Variants in RARB observed in about 807,000 individuals in gnomAD.
RARB encodes the protein retinoic acid receptor beta, also known as HBV-activated protein.
RARB carries 17 observed loss-of-function variants against 51.9 expected under a neutral mutation model. The ratio of observed to expected loss-of-function variants is 0.33; its 90% CI spans 0.22 to 0.49. RARB has a LOEUF of 0.49. RARB is among the 20% of genes least tolerant of loss of function. The probability of loss-of-function intolerance (pLI) is 0.99; values close to 1 mark genes in which losing one functional copy is unlikely to be tolerated. For synonymous variants in RARB, 215 were observed against 195.4 expected (o/e 1.10, Z -0.84); for missense variants, 369 against 550.8 (o/e 0.67, Z 3.30).
chr3:25,518,458 C>T lies in RARB; in HGVS notation c.448+17135C>T, dbSNP rs373096311. ...GAGACGTCATTTAGGATGTCCTTGA[C>T]ATTTTTCGTTGCTCTTCCTCAGGAC... On this transcript the variant is annotated intron_variant, in intron 3 of 7. Coordinates refer to ENST00000330688, the MANE Select transcript of RARB (RefSeq NM_000965.5). Among the ~76,000 whole-genome samples, 16 of 152,022 alleles carry T rather than the reference C, an allele frequency of 1.1e-4. No individual in the cohort carries two copies. The East Asian group carries it at 1.7e-3, about 17-fold the overall frequency.
At chr3:25,501,884 A>T (rs1697332693) in intron 3 of RARB, among the ~76,000 whole-genome samples, 1 of 152,244 alleles carries the variant, frequency 6.6e-6, no homozygotes, top group Admixed American at 6.5e-5. Context: ...ATATTTTAAA[A>T]ATACATTAAA....
chr3:25,547,543 C>A (rs990577419), intron 3 of RARB, among the ~76,000 whole-genome samples: 2 of 152,222 alleles, frequency 1.3e-5, no homozygotes, highest in African/African-American at 4.8e-5. Flanking sequence ...TGCTTTTCTG[C>A]CAACCTAGTG....
At chr3:25,018,761 C>T (rs916791111) in intron 2 of RARB, among the ~76,000 whole-genome samples, 1 of 152,164 alleles carries the variant, frequency 6.6e-6, no homozygotes, top group African/African-American at 2.4e-5. Context: ...CTTAAGTTTG[C>T]TCATAGGTAA....
intron 5 of RARB, among the ~76,000 whole-genome samples, chr3:25,223,759 G>C (rs576623769): frequency 2.0e-5 from 3 of 152,174 alleles, no homozygotes; most frequent in Admixed American, 1.3e-4. Context: ...TTATAGAAGT[G>C]CTTGTAAAGT....
intron 5 of RARB, among the ~76,000 whole-genome samples, chr3:25,317,993 C>T (rs754264501): frequency 1.3e-5 from 2 of 152,096 alleles, no homozygotes; most frequent in Non-Finnish European, 1.5e-5. Context: ...CAACAGGCAT[C>T]CTATTGAATA....
At chr3:25,034,278 C>T (rs1697937296) in intron 2 of RARB, among the ~76,000 whole-genome samples, 1 of 152,182 alleles carries the variant, frequency 6.6e-6, no homozygotes, top group African/African-American at 2.4e-5. Context: ...CCACTGCACT[C>T]CAGCCTGGGC....
chr3:25,242,376 T>A (rs1162348015), intron 5 of RARB, among the ~76,000 whole-genome samples: 1 of 152,210 alleles, frequency 6.6e-6, no homozygotes, highest in East Asian at 1.9e-4. Flanking sequence ...ATGAAGTCTT[T>A]GCCCATGCCT....
intron 2 of RARB, among the ~76,000 whole-genome samples, chr3:25,044,889 A>C (rs1698182777): frequency 6.6e-6 from 1 of 152,130 alleles, no homozygotes; most frequent in African/African-American, 2.4e-5. Context: ...GTCTCTCTTT[A>C]TTAATCTCCA....
At chr3:25,127,568 C>T (rs1405988177) in intron 3 of RARB, among the ~76,000 whole-genome samples, 1 of 152,052 alleles carries the variant, frequency 6.6e-6, no homozygotes, top group Non-Finnish European at 1.5e-5. Flanking sequence ...CATTTTCTGG[C>T]TTCCCACTAC....
intron 3 of RARB, among the ~76,000 whole-genome samples, chr3:25,098,088 C>G (rs144259414): frequency 1.3e-5 from 2 of 152,222 alleles, no homozygotes; most frequent in Non-Finnish European, 2.9e-5. Context: ...ACACACACAG[C>G]TATGAGTTTT....
intron 5 of RARB, among the ~76,000 whole-genome samples, chr3:25,377,175 C>G (rs1264937630): frequency 6.6e-6 from 1 of 152,166 alleles, no homozygotes; most frequent in African/African-American, 2.4e-5. Flanking sequence ...ACAGATTCCT[C>G]TCAGACATGC....
intron 5 of RARB, among the ~76,000 whole-genome samples, chr3:25,210,782 A>G (rs1448406911): frequency 6.6e-6 from 1 of 151,648 alleles, no homozygotes; most frequent in Non-Finnish European, 1.5e-5. Context: ...TGAATCGCCC[A>G]CCTCAGCTTC....
intron 4 of RARB, among the ~76,000 whole-genome samples, chr3:25,137,580 T>G (rs1040885730): frequency 6.6e-6 from 1 of 152,114 alleles, no homozygotes; most frequent in African/African-American, 2.4e-5. Flanking sequence ...GATGTTAAAG[T>G]TTGAAGAGCT....
At chr3:25,203,118 G>A (rs908513556) in intron 5 of RARB, among the ~76,000 whole-genome samples, 6 of 152,194 alleles carry the variant, frequency 3.9e-5, no homozygotes, top group Non-Finnish European at 8.8e-5. Context: ...AGGTGCTCCT[G>A]TATTGGGTGC....
At chr3:25,104,251 C>T (rs763891131) in intron 3 of RARB, among the ~76,000 whole-genome samples, 5 of 152,118 alleles carry the variant, frequency 3.3e-5, no homozygotes, top group Non-Finnish European at 5.9e-5. Flanking sequence ...TGTGGTGCAA[C>T]CAGAGCACCC....
intron 3 of RARB, among the ~76,000 whole-genome samples, chr3:25,081,621 ATTTTTTTT>A (rs1168828068): frequency 3.4e-4 from 2 of 5,800 alleles, no homozygotes; most frequent in African/African-American, 1.2e-3. Flanking sequence ...ATATATATAT[ATTTTTTTT>A]TTTTTTTTTT....
intron 2 of RARB, among the ~76,000 whole-genome samples, chr3:24,965,762 C>A (rs931901108): frequency 1.3e-5 from 2 of 152,144 alleles, no homozygotes; most frequent in Non-Finnish European, 2.9e-5. Context: ...CTATGATAGT[C>A]TTGTGGTTCT....
chr3:24,902,230 T>C (rs1703623699), intron 2 of RARB, among the ~76,000 whole-genome samples: 1 of 152,196 alleles, frequency 6.6e-6, no homozygotes, highest in Non-Finnish European at 1.5e-5. Flanking sequence ...CCTAGAGATC[T>C]ACTGCTTCCA....
intron 2 of RARB, among the ~76,000 whole-genome samples, chr3:24,975,904 C>G (rs572902124): frequency 6.6e-6 from 1 of 152,180 alleles, no homozygotes; most frequent in African/African-American, 2.4e-5. Context: ...TTTCTCCCAG[C>G]GCTATCCCTG....
Sources: gnomAD v4.1 joint callset for allele counts (sites outside exome capture counted in the v4.1 genomes callset) on GRCh38, gnomAD v4.1.1 for gene constraint, MANE v1.5 for transcripts, NCBI Gene and HGNC (gene_info 2026-07-23, HGNC 2026-07-21) for gene names.